Variants in GLUD1 observed in about 807,000 individuals in gnomAD.
GLUD1 encodes glutamate dehydrogenase 1, mitochondrial.
In GLUD1, 22 loss-of-function variants were observed where a neutral mutation model predicts 56.0. That is an observed-to-expected ratio of 0.39 (90% CI 0.28 to 0.56). GLUD1 has a LOEUF of 0.56. Ranked by LOEUF, GLUD1 falls within the 20% of genes least tolerant of loss-of-function variation. The probability of loss-of-function intolerance (pLI) is 0.58; values close to 1 mark genes in which losing one functional copy is unlikely to be tolerated. For synonymous variants in GLUD1, 223 were observed against 269.9 expected, an observed-to-expected ratio of 0.83 and a Z score of 1.70; for missense variants, 451 against 732.0, an observed-to-expected ratio of 0.62 and a Z score of 4.43.
chr10:87,053,771 G>C (rs746189757), intron 11 of GLUD1, among the ~76,000 whole-genome samples: 1 of 152,114 alleles, frequency 6.6e-6, no homozygotes, highest in Non-Finnish European at 1.5e-5. Context: ...TTCATGCCAC[G>C]GTGCGTTCGC....
At chr10:87,062,340 A>T (rs1357068559) in intron 6 of GLUD1, among the ~76,000 whole-genome samples, 1 of 152,244 alleles carries the variant, frequency 6.6e-6, no homozygotes, top group Non-Finnish European at 1.5e-5. Context: ...AAACTTAGAA[A>T]ATTATGTTAA....
intron 8 of GLUD1, 198 bp from the exon 9 acceptor site, chr10:87,060,439 G>C: frequency 3.1e-6 from 2 of 647,042 alleles, no homozygotes; most frequent in South Asian, 3.7e-5. Context: ...TTTTTTTTTT[G>C]TTTGCTTGTT....
intron 1 of GLUD1, among the ~76,000 whole-genome samples, chr10:87,080,546 C>T (rs1461841553): frequency 1.3e-5 from 2 of 151,492 alleles, no homozygotes; most frequent in Admixed American, 6.6e-5. Context: ...CGTCTCTGCC[C>T]GGCCGCCCAT....
chr10:87,053,303 T>C (rs748918193), intron 12 of GLUD1, 39 bp downstream of exon 12: 4 of 1,415,642 alleles, frequency 2.8e-6, no homozygotes, highest in Non-Finnish European at 4.0e-6. Context: ...TTGCACTTCA[T>C]GTGACTAGCT....
At position 87,067,722 on chromosome 10, in the gene GLUD1, A is replaced by G. The variant is rs74150433; in HGVS notation, c.741+341T>C. The G allele has an allele frequency of 1.8e-3, 563 of 305,748 alleles. 2 individuals are homozygous for G. The highest frequency in any genetic ancestry group is 0.011 in the African/African-American group (528 of 46,614). The allele number at this position is 305,748 out of a possible 1,614,324, so 18.9% of individuals were successfully genotyped here. A position where few individuals can be genotyped will look rare whatever the true frequency, so the allele number is the denominator to read the frequency against. ...TCCACTGTTGTATTACATTATTTCCATACCTTATCTGCTTATGCACCTTAG... is the reference window on the plus strand; with the variant it reads ...TCCACTGTTGTATTACATTATTTCCGTACCTTATCTGCTTATGCACCTTAG... On this transcript the variant is annotated intron_variant, in intron 5 of 12. Transcript: ENST00000277865.
chr10:87,076,011 C>G lies in GLUD1; in HGVS notation c.539G>C (p.Gly180Ala), dbSNP rs1193865971. Reference sequence around the variant, plus strand: ...GATCTTAACACCAGCTTTAGCACCCCCAAACGGCACATCTGAAAGAGAAGG... The same window carrying G: ...GATCTTAACACCAGCTTTAGCACCCGCAAACGGCACATCTGAAAGAGAAGG... Reference protein sequence around the residue: ...YKCAVVDVPFGGAKAGVKINP... With the variant: ...YKCAVVDVPFAGAKAGVKINP... The change falls in exon 3 of 13, where the codon GGG (glycine) becomes GCG (alanine). Residue 180 changes from glycine to alanine, a missense_variant. By Grantham distance (60) the Gly-to-Ala change is moderately conservative. Coordinates refer to ENST00000277865, the MANE Select transcript of GLUD1 (RefSeq NM_005271.5). 3 of 1,600,358 alleles carry G rather than the reference C, an allele frequency of 1.9e-6. No individual in the cohort carries two copies. The highest frequency in any genetic ancestry group is 2.6e-6 in the Non-Finnish European group (3 of 1,173,068).
chr10:87,079,706 C>T (rs1029061925), intron 1 of GLUD1, among the ~76,000 whole-genome samples: 1 of 152,124 alleles, frequency 6.6e-6, no homozygotes, highest in African/African-American at 2.4e-5. Context: ...AGTGGTCAAA[C>T]AGGCAAATCT....
chr10:87,081,212 GC>G (rs1841239583), intron 1 of GLUD1, among the ~76,000 whole-genome samples: 1 of 134,734 alleles, frequency 7.4e-6, no homozygotes, highest in African/African-American at 2.9e-5. Flanking sequence ...TCAGCCCCCC[GC>G]CCGGCCAGCC....
At chr10:87,060,386 G>T in intron 8 of GLUD1, 145 bp from the exon 9 acceptor site, 1 of 745,878 alleles carries the variant, frequency 1.3e-6, no homozygotes, top group Non-Finnish European at 2.4e-6. Flanking sequence ...ATTTTTCTCT[G>T]CCAAGTGTAT....
At chr10:87,070,263 GGC>G (rs1239709523) in intron 4 of GLUD1, among the ~76,000 whole-genome samples, 3 of 151,652 alleles carry the variant, frequency 2.0e-5, no homozygotes, top group Non-Finnish European at 4.4e-5. Flanking sequence ...GACAAGCCTG[GGC>G]AACATAGTGA....
At chr10:87,078,820 G>T (rs1841125629) in intron 1 of GLUD1, among the ~76,000 whole-genome samples, 1 of 152,152 alleles carries the variant, frequency 6.6e-6, no homozygotes, top group Non-Finnish European at 1.5e-5. Flanking sequence ...AGATTGCACA[G>T]CATGGTGAAT....
At chr10:87,089,942 T>G (rs1841472706) in intron 1 of GLUD1, among the ~76,000 whole-genome samples, 1 of 152,248 alleles carries the variant, frequency 6.6e-6, no homozygotes, top group Admixed American at 6.5e-5. Context: ...TTTGATTATG[T>G]GAATCATGCA....
At chr10:87,077,034 C>T (rs1846416274) in intron 1 of GLUD1, among the ~76,000 whole-genome samples, 1 of 151,920 alleles carries the variant, frequency 6.6e-6, no homozygotes, top group African/African-American at 2.4e-5. Context: ...GGGTGGGAAA[C>T]AGGGTCTTGC....
intron 4 of GLUD1, among the ~76,000 whole-genome samples, chr10:87,073,225 C>T (rs111606353): frequency 0.033 from 4,957 of 152,228 alleles, 279 homozygotes; most frequent in African/African-American, 0.11. Flanking sequence ...TGCAGTGGCA[C>T]AATCATAGCT....
At chr10:87,077,602 G>A (rs1175575854) in intron 1 of GLUD1, among the ~76,000 whole-genome samples, 2 of 150,246 alleles carry the variant, frequency 1.3e-5, no homozygotes, top group Admixed American at 6.7e-5. Flanking sequence ...GTTGGTACAG[G>A]GTATACTGGA....
At chr10:87,089,369 C>T (rs1830974342) in intron 1 of GLUD1, among the ~76,000 whole-genome samples, 1 of 152,238 alleles carries the variant, frequency 6.6e-6, no homozygotes, top group Admixed American at 6.5e-5. Context: ...CACTTCACTC[C>T]TCAACCTTAG....
rs1216539417 is a variant in GLUD1 at position 87,062,986 on chromosome 10, C to A, written c.742-151G>T. 1.1e-5 allele frequency: 8 copies of A among 712,246 alleles called. No individual in the cohort carries two copies. In the Admixed American group the frequency reaches 1.9e-4, roughly 17 times the overall value. 44.1% of individuals were successfully genotyped at this position (712,246 alleles called of 1,614,324 possible). A position where few individuals can be genotyped will look rare whatever the true frequency, so the allele number is the denominator to read the frequency against. Reference sequence around the variant, plus strand: ...TGAATGTATTTAAGGTATACTTTTACCAATAGAGACAAGACTCACTTTTTC... The same window carrying A: ...TGAATGTATTTAAGGTATACTTTTAACAATAGAGACAAGACTCACTTTTTC... On this transcript the variant is annotated intron_variant, in intron 5 of 12. Transcript: ENST00000277865.
intron 4 of GLUD1, among the ~76,000 whole-genome samples, chr10:87,073,373 C>T (rs576202000): frequency 4.6e-5 from 7 of 152,042 alleles, no homozygotes; most frequent in African/African-American, 1.4e-4. Context: ...AGGGTGGTCT[C>T]GAACTTCTGG....
intron 4 of GLUD1, among the ~76,000 whole-genome samples, chr10:87,068,424 C>T (rs1444126570): frequency 2.6e-5 from 4 of 152,162 alleles, no homozygotes; most frequent in African/African-American, 7.2e-5. Context: ...AGATATAAGC[C>T]ACTCCATAGG....
Sources: allele counts gnomAD v4.1 joint callset (sites outside exome capture counted in the v4.1 genomes callset), GRCh38; gene constraint gnomAD v4.1.1; transcripts MANE v1.5; gene names NCBI Gene and HGNC (gene_info 2026-07-23, HGNC 2026-07-21).